The following LPP variants were observed in gnomAD, a reference collection of about 807,000 sequenced individuals.
The protein encoded by LPP is lipoma-preferred partner.
LPP carries 38 observed loss-of-function variants against 60.4 expected under a neutral mutation model. That is an observed-to-expected ratio of 0.63 (90% CI 0.49 to 0.83). LPP has a LOEUF of 0.83. Among genes scored for constraint, LPP ranks in the 40% least tolerant of loss-of-function variants. The pLI, the probability that LPP is intolerant of heterozygous loss-of-function variation, is 0.00. For missense variants in LPP, 902 were observed against 783.6 expected (o/e 1.15, Z -1.80); for synonymous variants, 328 against 290.8 (o/e 1.13, Z -1.30).
chr3:188,580,215 A>AT (rs1302547218), intron 6 of LPP, among the ~76,000 whole-genome samples: 2 of 151,864 alleles, frequency 1.3e-5, no homozygotes, highest in Non-Finnish European at 1.5e-5. Context: ...GAAATTAAGT[A>AT]TTTTCTCAAT....
chr3:188,677,009 AC>A, intron 7 of LPP, among the ~76,000 whole-genome samples: 1 of 152,248 alleles, frequency 6.6e-6, no homozygotes, highest in South Asian at 2.1e-4. Context: ...CTAGTAGCTG[AC>A]AAGAAACTGA....
chr3:188,770,237 G>T (rs1464287941), intron 9 of LPP, among the ~76,000 whole-genome samples: 1 of 141,416 alleles, frequency 7.1e-6, no homozygotes, highest in East Asian at 2.0e-4. Flanking sequence ...GGAGTGCAGT[G>T]GTGCAATCTC....
chr3:188,534,777 G>T (rs2150316450), intron 6 of LPP, among the ~76,000 whole-genome samples: 1 of 152,210 alleles, frequency 6.6e-6, no homozygotes, highest in Non-Finnish European at 1.5e-5. Context: ...TGATAATAAG[G>T]ATGATCTCTA....
chr3:188,593,182 G>GTGTT (rs1839285598), intron 6 of LPP, among the ~76,000 whole-genome samples: 1 of 149,058 alleles, frequency 6.7e-6, no homozygotes. Context: ...GTGTGTGTGT[G>GTGTT]TTTCTTCCCT....
At chr3:188,690,379 C>G (rs770470648) in intron 7 of LPP, among the ~76,000 whole-genome samples, 1 of 152,154 alleles carries the variant, frequency 6.6e-6, no homozygotes, top group East Asian at 1.9e-4. Context: ...CACAGTAATG[C>G]TAGCAGAAAG....
intron 7 of LPP, among the ~76,000 whole-genome samples, chr3:188,679,783 A>G (rs1336058788): frequency 6.6e-6 from 1 of 152,070 alleles, no homozygotes; most frequent in African/African-American, 2.4e-5. Flanking sequence ...CTTTTTTCTT[A>G]TGGGGCTATT....
At chr3:188,564,654 A>G (rs933240175) in intron 6 of LPP, among the ~76,000 whole-genome samples, 7 of 151,888 alleles carry the variant, frequency 4.6e-5, no homozygotes, top group African/African-American at 1.7e-4. Context: ...GATGATGGGA[A>G]TTTATGGTAA....
rs116684687 is a variant in LPP, at chr3:188,764,752, G to A, written c.1410+4470G>A. 2.9e-3 allele frequency among the ~76,000 whole-genome samples: 442 copies of A among 152,252 alleles called. 1 individual carries two copies. Among genetic ancestry groups the A allele is most frequent in the African/African-American group, 0.01 (424 of 41,554 alleles). ...GGACAGAGTGCATCAGAAATTCTCAGCAAAAGTCTATTTATGAAGTGGCAG... is the reference window on the plus strand; with the variant it reads ...GGACAGAGTGCATCAGAAATTCTCAACAAAAGTCTATTTATGAAGTGGCAG... On this transcript the variant is annotated intron_variant, in intron 9 of 11. Coordinates refer to ENST00000617246, the MANE Select transcript of LPP (RefSeq NM_001375462.1).
intron 1 of LPP, among the ~76,000 whole-genome samples, chr3:188,222,029 T>G (rs182924372): frequency 6.7e-4 from 102 of 152,334 alleles, no homozygotes; most frequent in Admixed American, 1.5e-3. Flanking sequence ...TTCCTCAGTT[T>G]CTTCAGTGTT....
rs1235956048 is a variant in LPP at position 188,435,523 on chromosome 3, GA to G, written c.193+29213del. ...TTTGTTTCTCTGTTGGGGGGAGGGG[GA>G]AAGTAAATAAGGAAATATAAATTAA... On this transcript the variant is annotated intron_variant, in intron 4 of 11. Coordinates refer to ENST00000617246, the MANE Select transcript of LPP (RefSeq NM_001375462.1). Among the ~76,000 whole-genome samples the G allele has an allele frequency of 5.9e-5, 9 of 152,170 alleles. No homozygotes were observed. The East Asian group carries it at 9.7e-4, about 16-fold the overall frequency.
intron 7 of LPP, among the ~76,000 whole-genome samples, chr3:188,657,885 C>T (rs533938676): frequency 6.6e-6 from 1 of 152,276 alleles, no homozygotes; most frequent in Non-Finnish European, 1.5e-5. Flanking sequence ...CGTTGGTCCT[C>T]TCTTATAACA....
intron 3 of LPP, among the ~76,000 whole-genome samples, chr3:188,351,765 G>C (rs1765907813): frequency 6.6e-6 from 1 of 152,168 alleles, no homozygotes; most frequent in African/African-American, 2.4e-5. Context: ...GGGCTCTGCA[G>C]AGTAGCATGC....
chr3:188,462,544 T>TTATA (rs71167102), intron 4 of LPP, among the ~76,000 whole-genome samples: 394 of 33,976 alleles, frequency 0.012, 19 homozygotes, highest in Non-Finnish European at 0.019. Context: ...TATATGAGCT[T>TTATA]TATATATATA....
chr3:188,424,211 G>A (rs1788672302), intron 4 of LPP, among the ~76,000 whole-genome samples: 1 of 152,088 alleles, frequency 6.6e-6, no homozygotes, highest in East Asian at 1.9e-4. Flanking sequence ...ATTAAATAGA[G>A]AATCTCTCCC....
chr3:188,227,761 A>G (rs556111473), intron 2 of LPP, among the ~76,000 whole-genome samples: 1 of 152,212 alleles, frequency 6.6e-6, no homozygotes, highest in South Asian at 2.1e-4. Context: ...AACCCAAACT[A>G]TAGATATCCC....
Position 188,450,389 on chromosome 3 carries a change from T to C in LPP, c.194-34203T>C, listed in dbSNP as rs910024310. Reference sequence around the variant, plus strand: ...TTAGGAACTATTGCTGTACTATTGCTCATCAGTTTAAATAATTATGTTAAT... The same window carrying C: ...TTAGGAACTATTGCTGTACTATTGCCCATCAGTTTAAATAATTATGTTAAT... On this transcript the variant is annotated intron_variant, in intron 4 of 11. Coordinates refer to ENST00000617246, the MANE Select transcript of LPP (RefSeq NM_001375462.1). 1.2e-4 allele frequency among the ~76,000 whole-genome samples: 19 copies of C among 152,300 alleles called. 1 individual carries two copies. The highest frequency in any genetic ancestry group is 2.6e-4 in the African/African-American group (11 of 41,566).
chr3:188,315,013 G>A (rs1053804789), intron 2 of LPP, among the ~76,000 whole-genome samples: 1 of 152,104 alleles, frequency 6.6e-6, no homozygotes, highest in Non-Finnish European at 1.5e-5. Context: ...ATTCCCTTGT[G>A]AAAATACCTT....
At position 188,866,245 on chromosome 3, in the gene LPP, C is replaced by G. The variant is rs1331003393; in HGVS notation, c.1456C>G (p.Arg486Gly). 1 of 1,580,270 alleles carries G rather than the reference C, an allele frequency of 6.3e-7. No individual in the cohort carries two copies. Among genetic ancestry groups the G allele is most frequent in the Admixed American group, 1.8e-5 (1 of 55,564 alleles). Reference protein sequence around the residue: ...CNVCSKPIMERILRATGKAYH... With the variant: ...CNVCSKPIMEGILRATGKAYH... ...TGTGTGTTCCAAGCCCATCATGGAG[C>G]GGATTCTCCGAGCCACCGGGAAGGC... Residue 486 changes from arginine (R) to glycine (G), a missense_variant, in exon 10 of 12, where the codon CGG becomes GGG. By Grantham distance (125) the Arg-to-Gly change is moderately radical. Transcript: ENST00000617246.
chr3:188,574,423 T>C (rs1357127570), intron 6 of LPP, among the ~76,000 whole-genome samples: 1 of 152,190 alleles, frequency 6.6e-6, no homozygotes, highest in Non-Finnish European at 1.5e-5. Flanking sequence ...AATATAGGCA[T>C]TAATTTAAAT....
Sources: gnomAD v4.1 joint callset for allele counts (sites outside exome capture counted in the v4.1 genomes callset) on GRCh38, gnomAD v4.1.1 for gene constraint, MANE v1.5 for transcripts, NCBI Gene and HGNC (gene_info 2026-07-23, HGNC 2026-07-21) for gene names.